The following TM9SF3 variants were observed in gnomAD, a reference collection of about 807,000 sequenced individuals.
TM9SF3 encodes the protein transmembrane 9 superfamily member 3, also known as SM-11044-binding protein.
In TM9SF3, 14 loss-of-function variants were observed where a neutral mutation model predicts 78.6. That is an observed-to-expected ratio of 0.18 (90% CI 0.12 to 0.28). The LOEUF (loss-of-function observed/expected upper bound fraction) is 0.28. Ranked by LOEUF, TM9SF3 falls within the 10% of genes least tolerant of loss-of-function variation. TM9SF3 has a pLI of 1.00. For synonymous variants in TM9SF3, 231 were observed against 241.7 expected, an observed-to-expected ratio of 0.96 and a Z score of 0.41; for missense variants, 496 against 721.9, an observed-to-expected ratio of 0.69 and a Z score of 3.59.
intron 3 of TM9SF3, 85 bp from the exon 4 acceptor site, chr10:96,562,223 T>TG: frequency 1.8e-6 from 2 of 1,129,362 alleles, no homozygotes; most frequent in South Asian, 2.9e-5. Context: ...TAAGTTTTTT[T>TG]TTTTTTTTTT....
Position 96,520,230 on chromosome 10 carries a change from G to T in TM9SF3, c.*2033C>A, listed in dbSNP as rs1307361918. The T allele has an allele frequency of 6.6e-6, 1 of 151,798 alleles. No homozygotes were observed. The highest frequency in any genetic ancestry group is 1.5e-5 in the Non-Finnish European group (1 of 67,754). The allele number at this position is 151,798 out of a possible 1,614,324, so 9.4% of individuals were successfully genotyped here. On this transcript the variant is annotated 3_prime_UTR_variant, in exon 15 of 15. Coordinates refer to ENST00000371142, the MANE Select transcript of TM9SF3 (RefSeq NM_020123.4). ...ATAGGCAACTAAATATTAACTTTTA[G>T]TTTCTTTTTTATAAGATCTTAAAGG... is the stretch of plus-strand genomic sequence containing the variant.
chr10:96,552,156 G>C (rs1246500595), intron 6 of TM9SF3, among the ~76,000 whole-genome samples: 1 of 152,174 alleles, frequency 6.6e-6, no homozygotes, highest in Admixed American at 6.5e-5. Context: ...TTTAAAATTT[G>C]AAACTATTTC....
At position 96,521,182 on chromosome 10, in the gene TM9SF3, T is replaced by C. The variant is rs564995639; in HGVS notation, c.*1081A>G. On this transcript the variant is annotated 3_prime_UTR_variant, in exon 15 of 15. Coordinates refer to ENST00000371142, the MANE Select transcript of TM9SF3 (RefSeq NM_020123.4). ...CACACACATTTTGAAGAAACCCCAA[T>C]GTTTCATGCAATGGTAGGCAAGATG... The C allele has an allele frequency of 2.4e-4, 75 of 314,868 alleles. No homozygotes were observed. The highest frequency in any genetic ancestry group is 1.4e-3 in the African/African-American group (65 of 46,660). 19.5% of individuals were successfully genotyped at this position (314,868 alleles called of 1,614,324 possible). A position where few individuals can be genotyped will look rare whatever the true frequency, so the allele number is the denominator to read the frequency against.
At chr10:96,537,818 G>A (rs1041536539) in intron 9 of TM9SF3, among the ~76,000 whole-genome samples, 1 of 152,020 alleles carries the variant, frequency 6.6e-6, no homozygotes, top group African/African-American at 2.4e-5. Flanking sequence ...ATGAAATACT[G>A]GAGAATAAAT....
chr10:96,544,263 G>A, intron 8 of TM9SF3, 57 bp from the exon 9 acceptor site: 1 of 1,398,450 alleles, frequency 7.2e-7, no homozygotes, highest in South Asian at 1.5e-5. Context: ...GAAATTATTT[G>A]TTTGAAATTT....
chr10:96,542,921 T>C (rs564580920), intron 9 of TM9SF3, among the ~76,000 whole-genome samples: 2 of 152,336 alleles, frequency 1.3e-5, no homozygotes, highest in Non-Finnish European at 2.9e-5. Flanking sequence ...CCTGGAATTT[T>C]TGGGAAACTA....
chr10:96,583,643 C>T (rs1848598995), intron 1 of TM9SF3, among the ~76,000 whole-genome samples: 1 of 151,400 alleles, frequency 6.6e-6, no homozygotes, highest in Non-Finnish European at 1.5e-5. Flanking sequence ...CAGGTGACCT[C>T]ACCTCTCTAG....
chr10:96,529,151 G>C (rs757214114), intron 11 of TM9SF3, among the ~76,000 whole-genome samples: 7 of 152,108 alleles, frequency 4.6e-5, no homozygotes, highest in Non-Finnish European at 1.0e-4. Context: ...TGTCAGACTG[G>C]AACTAAAGAA....
Position 96,520,590 on chromosome 10 carries a change from T to C in TM9SF3, c.*1673A>G, listed in dbSNP as rs971655557. 7.0e-6 allele frequency: 2 copies of C among 285,704 alleles called. No individual in the cohort carries two copies. Among genetic ancestry groups the C allele is most frequent in the African/African-American group, 4.7e-5 (2 of 42,810 alleles). 17.7% of individuals were successfully genotyped at this position (285,704 alleles called of 1,614,324 possible). A position where few individuals can be genotyped will look rare whatever the true frequency, so the allele number is the denominator to read the frequency against. ...GTATTGTTTTAGGTGGTCATTTGCA[T>C]AGCAAACTATTAAACTAGAAACTCA... On this transcript the variant is annotated 3_prime_UTR_variant, in exon 15 of 15. Coordinates refer to ENST00000371142, the MANE Select transcript of TM9SF3 (RefSeq NM_020123.4).
chr10:96,562,214 A>G, intron 3 of TM9SF3, 76 bp from the exon 4 acceptor site: 1 of 1,045,744 alleles, frequency 9.6e-7, no homozygotes, highest in Non-Finnish European at 1.3e-6. Context: ...AATGCTCATT[A>G]AGTTTTTTTT....
At chr10:96,567,873 T>C (rs1848396535) in intron 2 of TM9SF3, among the ~76,000 whole-genome samples, 1 of 152,214 alleles carries the variant, frequency 6.6e-6, no homozygotes, top group Non-Finnish European at 1.5e-5. Context: ...ACTACACATA[T>C]TAGGGTATGT....
chr10:96,548,797 C>CAAAAAAAA (rs5787196), intron 7 of TM9SF3, among the ~76,000 whole-genome samples: 34 of 58,270 alleles, frequency 5.8e-4, no homozygotes, highest in East Asian at 1.0e-3. Flanking sequence ...GACTCCATCT[C>CAAAAAAAA]AAAAAAAAAA....
intron 5 of TM9SF3, among the ~76,000 whole-genome samples, chr10:96,558,849 G>T (rs1393753417): frequency 1.3e-5 from 2 of 152,022 alleles, no homozygotes; most frequent in African/African-American, 4.8e-5. Context: ...CAAAAGATTA[G>T]ATCAAAAGAA....
intron 2 of TM9SF3, among the ~76,000 whole-genome samples, chr10:96,573,648 A>C (rs1369596046): frequency 6.6e-6 from 1 of 152,168 alleles, no homozygotes; most frequent in Admixed American, 6.6e-5. Context: ...CTATTTAAAT[A>C]ATCTCTCCAT....
chr10:96,579,757 C>A (rs1848539430), intron 1 of TM9SF3, among the ~76,000 whole-genome samples: 1 of 152,142 alleles, frequency 6.6e-6, no homozygotes, highest in Non-Finnish European at 1.5e-5. Context: ...ACTATGCAGA[C>A]TGTGGTTTAA....
At chr10:96,557,926 C>T (rs918081425) in intron 5 of TM9SF3, among the ~76,000 whole-genome samples, 31 of 152,182 alleles carry the variant, frequency 2.0e-4, no homozygotes, top group South Asian at 4.1e-4. Context: ...GTTTATTTCA[C>T]GTCTCCTTGA....
At chr10:96,586,133 C>T (rs557844358) in intron 1 of TM9SF3, among the ~76,000 whole-genome samples, 1 of 152,266 alleles carries the variant, frequency 6.6e-6, no homozygotes, top group Admixed American at 6.5e-5. Context: ...GAATTGAACG[C>T]GTGTAGGTTG....
intron 9 of TM9SF3, among the ~76,000 whole-genome samples, chr10:96,540,763 AC>A (rs1848017590): frequency 9.5e-6 from 1 of 104,828 alleles, no homozygotes; most frequent in African/African-American, 3.7e-5. Flanking sequence ...GTTTTATATT[AC>A]CTTTCTTTTT....
chr10:96,585,190 G>A (rs879004789), intron 1 of TM9SF3, among the ~76,000 whole-genome samples: 2 of 151,914 alleles, frequency 1.3e-5, no homozygotes, highest in Admixed American at 6.6e-5. Context: ...CCTGTATCAC[G>A]GAACTACACA....
Sources: allele counts gnomAD v4.1 joint callset (sites outside exome capture counted in the v4.1 genomes callset), GRCh38; gene constraint gnomAD v4.1.1; transcripts MANE v1.5; gene names NCBI Gene and HGNC (gene_info 2026-07-23, HGNC 2026-07-21).